The following HDLBP variants were observed in gnomAD, a reference collection of about 807,000 sequenced individuals.
The protein encoded by HDLBP is vigilin.
Under a neutral mutation model 137.3 loss-of-function variants are expected in HDLBP, and 30 were observed. The ratio of observed to expected loss-of-function variants is 0.22; its 90% CI spans 0.16 to 0.30. The LOEUF is 0.30. Among genes scored for constraint, HDLBP ranks in the 10% least tolerant of loss-of-function variants. The probability of loss-of-function intolerance (pLI) is 1.00; values close to 1 mark genes in which losing one functional copy is unlikely to be tolerated. For synonymous variants in HDLBP, 606 were observed against 596.0 expected, an observed-to-expected ratio of 1.02 and a Z score of -0.24; for missense variants, 1,119 against 1,667.3, an observed-to-expected ratio of 0.67 and a Z score of 5.73.
At chr2:241,312,323 T>A (rs2075778762) in intron 1 of HDLBP, among the ~76,000 whole-genome samples, 1 of 152,234 alleles carries the variant, frequency 6.6e-6, no homozygotes, top group Non-Finnish European at 1.5e-5. Context: ...GGAACTTCAG[T>A]GTGCTTGGTA....
intron 1 of HDLBP, among the ~76,000 whole-genome samples, chr2:241,306,049 C>G (rs974044123): frequency 1.3e-5 from 2 of 151,704 alleles, no homozygotes; most frequent in Middle Eastern, 3.2e-3. Flanking sequence ...TGTGAGTCAC[C>G]GCGCCCGGCC....
chr2:241,279,500 G>A (rs7592138), intron 1 of HDLBP, among the ~76,000 whole-genome samples: 80,423 of 151,964 alleles, frequency 0.53, 22,137 homozygotes, highest in East Asian at 0.78. Context: ...AGTAATTCAG[G>A]CTGTGGTGCT....
chr2:241,291,436 T>A (rs1465884845), intron 1 of HDLBP, among the ~76,000 whole-genome samples: 1 of 152,132 alleles, frequency 6.6e-6, no homozygotes, highest in Non-Finnish European at 1.5e-5. Context: ...AAATACGGCT[T>A]CCACGGGTTG....
chr2:241,248,207 T>C (rs991818881), intron 13 of HDLBP, 37 bp downstream of exon 13: 2 of 1,568,420 alleles, frequency 1.3e-6, no homozygotes, highest in African/African-American at 1.4e-5. Flanking sequence ...CTTGGATCAC[T>C]CCTATAGAGT....
At position 241,291,063 on chromosome 2, in the gene HDLBP, G is replaced by A. The variant is rs191473391; in HGVS notation, c.-102-22522C>T. On this transcript the variant is annotated intron_variant, in intron 1 of 27. Coordinates refer to ENST00000310931, the MANE Select transcript of HDLBP (RefSeq NM_005336.6). ...GGAGGGGAAGCTCTGTATCACACGA[G>A]GCGCTTTACTTTTCAAAGATGCCTC... is the stretch of plus-strand genomic sequence containing the variant. Among the ~76,000 whole-genome samples the A allele has an allele frequency of 2.0e-5, 3 of 152,254 alleles. No individual in the cohort carries two copies. The East Asian group carries it at 5.8e-4, about 29-fold the overall frequency.
intron 1 of HDLBP, among the ~76,000 whole-genome samples, chr2:241,308,109 G>A (rs996807881): frequency 6.6e-6 from 1 of 152,120 alleles, no homozygotes; most frequent in African/African-American, 2.4e-5. Context: ...CAACTAAAAT[G>A]ATCATGTTTA....
At chr2:241,303,460 A>G (rs1487358216) in intron 1 of HDLBP, among the ~76,000 whole-genome samples, 1 of 152,198 alleles carries the variant, frequency 6.6e-6, no homozygotes, top group African/African-American at 2.4e-5. Context: ...GAGAGGCAGC[A>G]CTTAACCTGC....
In HDLBP at chr2:241,272,693, C is replaced by G. The variant is rs1207360726; in HGVS notation, c.-102-4152G>C. 1 of 746,306 alleles carries G rather than the reference C, an allele frequency of 1.3e-6. No homozygotes were observed. The highest frequency in any genetic ancestry group is 1.6e-6 in the Non-Finnish European group (1 of 616,352). 46.2% of individuals were successfully genotyped at this position (746,306 alleles called of 1,614,324 possible). On this transcript the variant is annotated intron_variant, in intron 1 of 27. Transcript: ENST00000310931. This position sits in a 1 kb window ranked among gnomAD's most constrained non-coding sequence, Gnocchi z 5.6. Reference sequence around the variant, plus strand: ...CGTCAGCAGCCACCCCCCACCCCCCCGCCCGGCAGCCCGCCCGCCCCGTCC... The same window carrying G: ...CGTCAGCAGCCACCCCCCACCCCCCGGCCCGGCAGCCCGCCCGCCCCGTCC...
chr2:241,308,887 A>G (rs754061929), intron 1 of HDLBP, among the ~76,000 whole-genome samples: 22 of 152,184 alleles, frequency 1.4e-4, no homozygotes, highest in Middle Eastern at 3.2e-3. Flanking sequence ...CTCCAAAGGC[A>G]TCAAGATCCG....
At chr2:241,289,820 G>C (rs943998395) in intron 1 of HDLBP, among the ~76,000 whole-genome samples, 2 of 152,100 alleles carry the variant, frequency 1.3e-5, no homozygotes, top group African/African-American at 2.4e-5. Flanking sequence ...ACCTCAAGAA[G>C]ACATTAGGCA....
chr2:241,272,648 C>T lies in HDLBP; in HGVS notation c.-102-4107G>A. 3.1e-6 allele frequency: 3 copies of T among 956,304 alleles called. No homozygotes were observed. Among genetic ancestry groups the T allele is most frequent in the Non-Finnish European group, 3.7e-6 (3 of 805,162 alleles). 59.2% of individuals were successfully genotyped at this position (956,304 alleles called of 1,614,324 possible). On this transcript the variant is annotated intron_variant, in intron 1 of 27. Transcript: ENST00000310931. The surrounding 1 kb of genome is among the most constrained non-coding windows in gnomAD (Gnocchi z 5.6). ...GGTGGGGGCCGCGGCACCCGGGCCC[C>T]TCCCCCTCCGCGGCCTCCACGTCAG...
In HDLBP at chr2:241,233,716, T is replaced by G. The variant is rs551577988; in HGVS notation, c.3288+104A>C. On this transcript the variant is annotated intron_variant, in intron 24 of 27. Coordinates refer to ENST00000310931, the MANE Select transcript of HDLBP (RefSeq NM_005336.6). This position sits in a 1 kb window ranked among gnomAD's most constrained non-coding sequence, Gnocchi z 4.3. ...CCTGAGAGACTTGCCACTCTCAACTTGGCCCTCGAACCCCCATCTAGGCAC... is the reference window on the plus strand; with the variant it reads ...CCTGAGAGACTTGCCACTCTCAACTGGGCCCTCGAACCCCCATCTAGGCAC... 1.0e-4 allele frequency: 134 copies of G among 1,277,758 alleles called. 1 individual carries two copies. Among genetic ancestry groups the G allele is most frequent in the Middle Eastern group, 8.2e-4 (3 of 3,680 alleles). 79.2% of individuals were successfully genotyped at this position (1,277,758 alleles called of 1,614,324 possible).
At chr2:241,236,377 A>AT (rs2070440710) in intron 21 of HDLBP, 2 of 553,026 alleles carry the variant, frequency 3.6e-6, no homozygotes, top group Non-Finnish European at 6.5e-6. Context: ...GCCGGATCCC[A>AT]TGCAGCTGTC....
intron 3 of HDLBP, among the ~76,000 whole-genome samples, chr2:241,266,194 A>T (rs149781061): frequency 2.1e-4 from 32 of 152,346 alleles, no homozygotes; most frequent in African/African-American, 6.7e-4. Flanking sequence ...GACTTCGAAG[A>T]GAAATAATCT....
intron 5 of HDLBP, among the ~76,000 whole-genome samples, chr2:241,261,476 A>G (rs1231899213): frequency 3.3e-5 from 5 of 152,206 alleles, no homozygotes; most frequent in Admixed American, 3.3e-4. Context: ...AAGGCACAAT[A>G]ATGTATCTGG....
chr2:241,249,163 C>T (rs1016306214), intron 12 of HDLBP, among the ~76,000 whole-genome samples: 1 of 152,156 alleles, frequency 6.6e-6, no homozygotes, highest in African/African-American at 2.4e-5. Context: ...TAAAAGAGGT[C>T]TGCCAATTTG....
intron 24 of HDLBP, among the ~76,000 whole-genome samples, chr2:241,232,597 T>C (rs1048211401): frequency 1.3e-5 from 2 of 152,052 alleles, no homozygotes; most frequent in Non-Finnish European, 2.9e-5. Flanking sequence ...TTAAGATTGA[T>C]AATTATATAG....
At chr2:241,242,050 A>G (rs1339936381) in intron 17 of HDLBP, among the ~76,000 whole-genome samples, 4 of 152,240 alleles carry the variant, frequency 2.6e-5, no homozygotes, top group African/African-American at 4.8e-5. Context: ...GAGCCCGGAA[A>G]CATACCCACA....
chr2:241,281,782 G>C (rs2074618404), intron 1 of HDLBP, among the ~76,000 whole-genome samples: 1 of 152,128 alleles, frequency 6.6e-6, no homozygotes, highest in Non-Finnish European at 1.5e-5. Context: ...TAAAATGGTA[G>C]TATCTTACAT....
Sources: gnomAD v4.1 joint callset for allele counts (sites outside exome capture counted in the v4.1 genomes callset) on GRCh38, gnomAD v4.1.1 for gene constraint, Gnocchi (gnomAD v3.1) non-coding constraint, MANE v1.5 for transcripts, NCBI Gene and HGNC (gene_info 2026-07-23, HGNC 2026-07-21) for gene names.